The following SVEP1 variants were observed in gnomAD, a reference collection of about 807,000 sequenced individuals.
SVEP1 encodes sushi, von Willebrand factor type A, EGF and pentraxin domain containing 1, also known as sushi, von Willebrand factor type A, EGF and pentraxin domain-containing protein 1.
In SVEP1, 164 loss-of-function variants were observed where a neutral mutation model predicts 367.3. The observed-to-expected ratio is 0.45, with a 90% CI of 0.39 to 0.51. The LOEUF (loss-of-function observed/expected upper bound fraction) is 0.51, where lower values mean the gene tolerates loss of function less well. Ranked by LOEUF, SVEP1 falls within the 20% of genes least tolerant of loss-of-function variation. SVEP1 has a pLI of 0.00. For missense variants in SVEP1, 4,117 were observed against 4,425.3 expected (o/e 0.93, Z 1.98); for synonymous variants, 1,666 against 1,611.6 (o/e 1.03, Z -0.81).
At position 110,512,918 on chromosome 9, in the gene SVEP1, T is replaced by G. The variant is rs751082282; in HGVS notation, c.1303+8A>C. 1 of 1,613,838 alleles carries G rather than the reference T, an allele frequency of 6.2e-7. No homozygotes were observed. The highest frequency in any genetic ancestry group is 1.3e-5 in the African/African-American group (1 of 74,922). On this transcript the variant is annotated splice_region_variant and intron_variant, in intron 5 of 47. Coordinates refer to ENST00000374469, the MANE Select transcript of SVEP1 (RefSeq NM_153366.4). ...TAAATAAACAATGTAAATTGGCAGT[T>G]TGCATACCTCTGCAGTAGCTCTCTG...
chr9:110,529,922 T>C (rs1829996329), intron 3 of SVEP1, among the ~76,000 whole-genome samples: 2 of 152,292 alleles, frequency 1.3e-5, no homozygotes, highest in Non-Finnish European at 2.9e-5. Context: ...AAAGTGAGCA[T>C]CTTTGTCCTG....
chr9:110,389,325 T>C (rs145602580), intron 41 of SVEP1, among the ~76,000 whole-genome samples, 199 bp downstream of exon 41: 257 of 152,300 alleles, frequency 1.7e-3, no homozygotes, highest in Middle Eastern at 0.014. Context: ...TTGCAGTTAA[T>C]TGTTAATCCC....
chr9:110,393,529 G>A (rs535654853), intron 40 of SVEP1, among the ~76,000 whole-genome samples: 3 of 152,260 alleles, frequency 2.0e-5, no homozygotes, highest in South Asian at 2.1e-4. Flanking sequence ...TGGGTGCAGT[G>A]CACTGTGCAC....
At chr9:110,385,058 G>A in intron 43 of SVEP1, among the ~76,000 whole-genome samples, 1 of 116,460 alleles carries the variant, frequency 8.6e-6, no homozygotes, top group Non-Finnish European at 1.9e-5. Flanking sequence ...TTGGCTCATT[G>A]CAACCTCCAC....
At chr9:110,578,245 T>C (rs557004149) in intron 1 of SVEP1, among the ~76,000 whole-genome samples, 1 of 152,178 alleles carries the variant, frequency 6.6e-6, no homozygotes, top group Non-Finnish European at 1.5e-5. Flanking sequence ...AATTAGGATA[T>C]AACAAACGAA....
chr9:110,568,367 C>T (rs774521027), intron 1 of SVEP1, among the ~76,000 whole-genome samples: 3 of 152,176 alleles, frequency 2.0e-5, no homozygotes, highest in Admixed American at 6.5e-5. Flanking sequence ...ACAGAGTGTG[C>T]GATGAACATT....
chr9:110,386,678 C>T lies in SVEP1; in HGVS notation c.10061-604G>A, dbSNP rs562810039. Among the ~76,000 whole-genome samples, 12 of 152,258 alleles carry T rather than the reference C, an allele frequency of 7.9e-5. No individual in the cohort carries two copies. In the East Asian group the frequency reaches 1.4e-3, roughly 17 times the overall value. Reference sequence around the variant, plus strand: ...CACAGGAAATGATGATGGCATTATGCGTGCTTAGCGCAAGTGTGTGACACA... The same window carrying T: ...CACAGGAAATGATGATGGCATTATGTGTGCTTAGCGCAAGTGTGTGACACA... On this transcript the variant is annotated intron_variant, in intron 42 of 47. Transcript: ENST00000374469.
intron 36 of SVEP1, among the ~76,000 whole-genome samples, chr9:110,415,692 A>G (rs1343455458): frequency 6.6e-6 from 1 of 152,064 alleles, no homozygotes; most frequent in Non-Finnish European, 1.5e-5. Context: ...GTTCTGCTCT[A>G]CAACAGTCTG....
At chr9:110,554,062 T>C (rs1467422351) in intron 1 of SVEP1, among the ~76,000 whole-genome samples, 1 of 152,212 alleles carries the variant, frequency 6.6e-6, no homozygotes, top group Non-Finnish European at 1.5e-5. Context: ...CTGCAAATTA[T>C]TTACTGATTA....
intron 24 of SVEP1, among the ~76,000 whole-genome samples, chr9:110,447,705 G>A (rs1310032578): frequency 1.3e-5 from 2 of 152,250 alleles, no homozygotes; most frequent in Admixed American, 1.3e-4. Flanking sequence ...GAAGTTGAGA[G>A]TTTGTGTTCC....
chr9:110,530,256 G>C (rs1281821061), intron 3 of SVEP1, among the ~76,000 whole-genome samples: 5 of 152,068 alleles, frequency 3.3e-5, no homozygotes, highest in Non-Finnish European at 7.4e-5. Flanking sequence ...GATTTGATTT[G>C]CTGGTATTTT....
intron 12 of SVEP1, 59 bp downstream of exon 12, chr9:110,481,183 T>A: frequency 7.9e-7 from 1 of 1,261,160 alleles, no homozygotes; most frequent in Non-Finnish European, 1.0e-6. Flanking sequence ...TCTTTAACAC[T>A]TAGAAATGTA....
chr9:110,415,308 T>C (rs1048457164), intron 36 of SVEP1, among the ~76,000 whole-genome samples: 7 of 151,936 alleles, frequency 4.6e-5, no homozygotes, highest in South Asian at 2.1e-4. Flanking sequence ...AACACCAGTA[T>C]AGGAGGAAAA....
intron 17 of SVEP1, among the ~76,000 whole-genome samples, chr9:110,468,091 C>T (rs189529872): frequency 6.6e-6 from 1 of 152,326 alleles, no homozygotes; most frequent in East Asian, 1.9e-4. Context: ...CCAATTAAAA[C>T]TCTTTTCTTT....
At chr9:110,550,385 T>G (rs1830269407) in intron 1 of SVEP1, among the ~76,000 whole-genome samples, 1 of 152,218 alleles carries the variant, frequency 6.6e-6, no homozygotes, top group Non-Finnish European at 1.5e-5. Context: ...ATGGAATGAA[T>G]TTTTAATCAA....
chr9:110,377,198 T>C (rs926997986), intron 45 of SVEP1, 73 bp downstream of exon 45: 1 of 1,395,254 alleles, frequency 7.2e-7, no homozygotes, highest in Non-Finnish European at 1.0e-6. Flanking sequence ...AACCATTTCC[T>C]GGTAACTCCC....
In SVEP1 at chr9:110,502,190, C is replaced by A. The variant is rs556433422; in HGVS notation, c.1483+848G>T. Among the ~76,000 whole-genome samples the A allele has an allele frequency of 1.9e-4, 28 of 150,258 alleles. No individual in the cohort carries two copies. In the South Asian group the frequency reaches 5.3e-3, roughly 28 times the overall value. On this transcript the variant is annotated intron_variant, in intron 6 of 47. Transcript: ENST00000374469. ...TGATCTCGGCTCACTGAAACCTCTG[C>A]CTCCTGGGTTCAAGAGATTCTCCTG...
At chr9:110,397,082 C>G (rs1216627339) in intron 40 of SVEP1, among the ~76,000 whole-genome samples, 1 of 152,100 alleles carries the variant, frequency 6.6e-6, no homozygotes, top group Non-Finnish European at 1.5e-5. Context: ...AACATTGATG[C>G]AAAAATCCTC....
At chr9:110,572,695 C>G (rs1459770161) in intron 1 of SVEP1, among the ~76,000 whole-genome samples, 1 of 144,932 alleles carries the variant, frequency 6.9e-6, no homozygotes, top group Non-Finnish European at 1.5e-5. Flanking sequence ...AACCTTGTCT[C>G]TACTAAAAAT....
Sources: gnomAD v4.1 joint callset for allele counts (sites outside exome capture counted in the v4.1 genomes callset) on GRCh38, gnomAD v4.1.1 for gene constraint, MANE v1.5 for transcripts, NCBI Gene and HGNC (gene_info 2026-07-23, HGNC 2026-07-21) for gene names.